Variants in CACNA1E observed in about 807,000 individuals in gnomAD.
CACNA1E encodes the protein calcium voltage-gated channel subunit alpha1 E.
In CACNA1E, 40 loss-of-function variants were observed where a neutral mutation model predicts 259.2. The ratio of observed to expected loss-of-function variants is 0.15; its 90% CI spans 0.12 to 0.20. The LOEUF is 0.20. Among genes scored for constraint, CACNA1E ranks in the 10% least tolerant of loss-of-function variants. CACNA1E has a pLI of 1.00. For synonymous variants in CACNA1E, 1,104 were observed against 1,138.5 expected (o/e 0.97, Z 0.61); for missense variants, 1,874 against 3,040.1 (o/e 0.62, Z 9.02).
At chr1:181,653,220 G>A (rs1658915340) in intron 7 of CACNA1E, among the ~76,000 whole-genome samples, 1 of 151,996 alleles carries the variant, frequency 6.6e-6, no homozygotes, top group Non-Finnish European at 1.5e-5. Context: ...GATATAGTTT[G>A]GCTGTGTCCC....
At chr1:181,673,855 T>C (rs530748745) in intron 7 of CACNA1E, among the ~76,000 whole-genome samples, 1 of 152,218 alleles carries the variant, frequency 6.6e-6, no homozygotes, top group South Asian at 2.1e-4. Flanking sequence ...CTCCTCAATA[T>C]AACCACCATT....
intron 3 of CACNA1E, among the ~76,000 whole-genome samples, chr1:181,539,184 A>G (rs559919342): frequency 4.9e-4 from 75 of 151,866 alleles, no homozygotes; most frequent in African/African-American, 1.8e-3. Flanking sequence ...ATTTCCTTCT[A>G]TTTTCCGTTA....
rs566118511 is a variant in CACNA1E at position 181,800,254 on chromosome 1, G to T, written c.*1420G>T. ...TTCTAGCAAAGCAGGCTCCAGTGGG[G>T]CCTCATCATACAGGATGACAAGACT... is the stretch of plus-strand genomic sequence containing the variant. On this transcript the variant is annotated 3_prime_UTR_variant, in exon 48 of 48. Transcript: ENST00000367573. 1 of 152,766 alleles carries T rather than the reference G, an allele frequency of 6.5e-6. No homozygotes were observed. The highest frequency in any genetic ancestry group is 2.1e-4 in the South Asian group (1 of 4,822). The allele number at this position is 152,766 out of a possible 1,614,324, so 9.5% of individuals were successfully genotyped here. A position where few individuals can be genotyped will look rare whatever the true frequency, so the allele number is the denominator to read the frequency against.
At chr1:181,427,425 A>G (rs1421254131) in intron 2 of CACNA1E, among the ~76,000 whole-genome samples, 5 of 115,108 alleles carry the variant, frequency 4.3e-5, no homozygotes, top group Non-Finnish European at 8.8e-5. Context: ...CTCCACCTCA[A>G]CTTCTCCCTC....
At chr1:181,421,372 C>G (rs1658732519) in intron 2 of CACNA1E, among the ~76,000 whole-genome samples, 1 of 152,154 alleles carries the variant, frequency 6.6e-6, no homozygotes, top group Non-Finnish European at 1.5e-5. Flanking sequence ...GGGGGGTCCT[C>G]AAAATGTTGA....
intron 44 of CACNA1E, among the ~76,000 whole-genome samples, chr1:181,792,306 AGTACCAG>A (rs1661393132): frequency 6.6e-6 from 1 of 152,200 alleles, no homozygotes; most frequent in Non-Finnish European, 1.5e-5. Context: ...TCTCATTGTC[AGTACCAG>A]TGTCTGTAAT....
chr1:181,542,692 G>C (rs1165026835), intron 3 of CACNA1E, among the ~76,000 whole-genome samples: 1 of 151,824 alleles, frequency 6.6e-6, no homozygotes, highest in Non-Finnish European at 1.5e-5. Context: ...GCTGAACTGT[G>C]AGTCAGTTAA....
Position 181,807,909 on chromosome 1 carries a change from T to C in CACNA1E, c.*9075T>C, listed in dbSNP as rs539789858. On this transcript the variant is annotated 3_prime_UTR_variant, in exon 48 of 48. Coordinates refer to ENST00000367573, the MANE Select transcript of CACNA1E (RefSeq NM_001205293.3). ...CATTGGAGTTAGAATCTGACAACCT[T>C]TAACTTCACACTTTTATGAGATAAT... The C allele has an allele frequency of 6.6e-6, 1 of 152,320 alleles. No individual in the cohort carries two copies. Among genetic ancestry groups the C allele is most frequent in the East Asian group, 1.9e-4 (1 of 5,180 alleles). The allele number at this position is 152,320 out of a possible 1,614,324, so 9.4% of individuals were successfully genotyped here. A position where few individuals can be genotyped will look rare whatever the true frequency, so the allele number is the denominator to read the frequency against.
chr1:181,484,299 C>G (rs1663579099), intron 1 of CACNA1E, among the ~76,000 whole-genome samples: 1 of 152,104 alleles, frequency 6.6e-6, no homozygotes, highest in South Asian at 2.1e-4. Flanking sequence ...ATTCCCAGCC[C>G]CCTCCCCACC....
chr1:181,570,785 C>T (rs1368653321), intron 3 of CACNA1E, among the ~76,000 whole-genome samples: 1 of 152,182 alleles, frequency 6.6e-6, no homozygotes, highest in East Asian at 1.9e-4. Context: ...GATTGTGCCT[C>T]GAGTCCACCT....
chr1:181,489,899 G>A (rs1377312287), intron 1 of CACNA1E, among the ~76,000 whole-genome samples: 4 of 152,174 alleles, frequency 2.6e-5, no homozygotes, highest in Non-Finnish European at 5.9e-5. Context: ...AACATGAGGG[G>A]CTTGGATCAA....
At chr1:181,571,456 C>T (rs757055679) in intron 3 of CACNA1E, among the ~76,000 whole-genome samples, 20 of 152,102 alleles carry the variant, frequency 1.3e-4, no homozygotes, top group Non-Finnish European at 2.6e-4. Context: ...GAAGTGAATC[C>T]AAGAGATTTA....
intron 6 of CACNA1E, among the ~76,000 whole-genome samples, chr1:181,634,760 C>T (rs6698330): frequency 0.17 from 26,559 of 152,112 alleles, 2,404 homozygotes; most frequent in South Asian, 0.28. Flanking sequence ...AGGAGCCTAT[C>T]AGAGCCTCCA....
At chr1:181,493,236 G>T (rs537162574) in intron 1 of CACNA1E, among the ~76,000 whole-genome samples, 39 of 152,298 alleles carry the variant, frequency 2.6e-4, no homozygotes, top group Non-Finnish European at 4.6e-4. Flanking sequence ...TTGGGATGCT[G>T]GGCTATCAGG....
At position 181,613,927 on chromosome 1, in the gene CACNA1E, A is replaced by AT. The variant is rs550574957; in HGVS notation, c.951+33158dup. Among the ~76,000 whole-genome samples, 123 of 152,178 alleles carry AT rather than the reference A, an allele frequency of 8.1e-4. 2 individuals are homozygous for AT. In the Middle Eastern group the frequency reaches 0.014, roughly 17 times the overall value. On this transcript the variant is annotated intron_variant, in intron 6 of 47. Coordinates refer to ENST00000367573, the MANE Select transcript of CACNA1E (RefSeq NM_001205293.3). Reference sequence around the variant, plus strand: ...CAGCTGCTTCTCCTGTTAGCTTGACATTTTTTTAAGCCAAATATCTTTCTA... The same window carrying AT: ...CAGCTGCTTCTCCTGTTAGCTTGACATTTTTTTTAAGCCAAATATCTTTCTA...
chr1:181,674,016 A>G (rs1649090357), intron 7 of CACNA1E, among the ~76,000 whole-genome samples: 1 of 152,028 alleles, frequency 6.6e-6, no homozygotes, highest in Non-Finnish European at 1.5e-5. Flanking sequence ...TAGGCAATAC[A>G]AGAGTCTGGA....
chr1:181,514,761 C>A (rs546628275), intron 3 of CACNA1E, among the ~76,000 whole-genome samples: 57 of 152,236 alleles, frequency 3.7e-4, no homozygotes, highest in African/African-American at 1.3e-3. Flanking sequence ...CAGTGTAAGA[C>A]CTGCTCTTAT....
intron 2 of CACNA1E, among the ~76,000 whole-genome samples, chr1:181,471,254 A>G (rs78880638): frequency 0.094 from 14,263 of 152,242 alleles, 821 homozygotes; most frequent in South Asian, 0.19. Context: ...AAGTTTTAAC[A>G]TGAAATTTGA....
At chr1:181,515,340 T>C (rs1255689543) in intron 3 of CACNA1E, among the ~76,000 whole-genome samples, 2 of 152,214 alleles carry the variant, frequency 1.3e-5, no homozygotes, top group African/African-American at 4.8e-5. Flanking sequence ...ACTGTCAGCA[T>C]AGCATGGTTT....
Sources: gnomAD v4.1 joint callset for allele counts (sites outside exome capture counted in the v4.1 genomes callset) on GRCh38, gnomAD v4.1.1 for gene constraint, MANE v1.5 for transcripts, NCBI Gene and HGNC (gene_info 2026-07-23, HGNC 2026-07-21) for gene names.